The following DNMT1 variants were observed in gnomAD, a reference collection of about 807,000 sequenced individuals.
The protein encoded by DNMT1 is DNA methyltransferase 1.
A neutral mutation model predicts 205.3 loss-of-function variants in DNMT1; 24 were observed. The ratio of observed to expected loss-of-function variants is 0.12; its 90% confidence interval spans 0.08 to 0.16. The LOEUF (loss-of-function observed/expected upper bound fraction) is 0.16, where lower values mean the gene tolerates loss of function less well. Among genes scored for constraint, DNMT1 ranks in the 10% least tolerant of loss-of-function variants. The pLI is 1.00. For missense variants in DNMT1, 1,293 were observed against 2,177.7 expected, an observed-to-expected ratio of 0.59 and a Z score of 8.09; for synonymous variants, 817 against 839.8, an observed-to-expected ratio of 0.97 and a Z score of 0.47.
At chr19:10,145,347 G>A (rs1010100878) in intron 28 of DNMT1, among the ~76,000 whole-genome samples, 11 of 152,290 alleles carry the variant, frequency 7.2e-5, no homozygotes, top group South Asian at 6.2e-4. Flanking sequence ...GGGGTAACGC[G>A]CCCCAACTGT....
rs768106291 is a variant in DNMT1 at position 10,140,770 on chromosome 19, C to CG, written c.3523+10dup. 1.4e-5 allele frequency: 23 copies of CG among 1,613,978 alleles called. No individual in the cohort carries two copies. The highest frequency in any genetic ancestry group is 1.9e-5 in the Non-Finnish European group (23 of 1,179,906). ...ACCAGGTATTCAGAGATGGAGCCTA[C>CG]GGGCGCTCACCTGCTTGGTGGAATC... On this transcript the variant is annotated intron_variant, in intron 32 of 40. Coordinates refer to ENST00000359526, the MANE Select transcript of DNMT1 (RefSeq NM_001130823.3). This position sits in a 1 kb window ranked among gnomAD's most constrained non-coding sequence, Gnocchi z 8.4.
chr19:10,137,026 C>T lies in DNMT1; in HGVS notation c.4489+59G>A. 1.3e-6 allele frequency: 2 copies of T among 1,574,326 alleles called. No homozygotes were observed. Among genetic ancestry groups the T allele is most frequent in the Non-Finnish European group, 1.7e-6 (2 of 1,159,516 alleles). ...GGCCTCCAGGTTCACAGGCCAAAGG[C>T]CCAGGGCTCTGCCTTCCTTCCCCTC... On this transcript the variant is annotated intron_variant, in intron 37 of 40. Transcript: ENST00000359526. This position sits in a 1 kb window ranked among gnomAD's most constrained non-coding sequence, Gnocchi z 6.4.
rs775941265 is a variant in DNMT1 at position 10,154,628 on chromosome 19, A to G, written c.1790T>C (p.Met597Thr). 1 of 1,614,006 alleles carries G rather than the reference A, an allele frequency of 6.2e-7. No individual in the cohort carries two copies. Among genetic ancestry groups the G allele is most frequent in the Non-Finnish European group, 8.5e-7 (1 of 1,179,948 alleles). The part of the protein sequence containing the change: ...DEQPIFLTPC[M>T]RDLIKLAGVT... ...CCCAGCCAGCTTGATCAGGTCCCGCATGCAGGGTGTCAGGAAGATGGGCTG... is the reference window on the plus strand; with the variant it reads ...CCCAGCCAGCTTGATCAGGTCCCGCGTGCAGGGTGTCAGGAAGATGGGCTG... Residue 597 changes from methionine to threonine, a missense_variant, in exon 21 of 41, where the codon ATG becomes ACG. Physicochemically the swap from Met to Thr is moderately conservative, Grantham distance 81 (BLOSUM62 -1). Transcript: ENST00000359526. The surrounding 1 kb of genome is among the most constrained non-coding windows in gnomAD (Gnocchi z 6.3).
intron 9 of DNMT1, among the ~76,000 whole-genome samples, chr19:10,171,583 A>G (rs920079196): frequency 1.3e-5 from 2 of 152,048 alleles, no homozygotes; most frequent in African/African-American, 4.8e-5. Context: ...AGATGGGAGG[A>G]TCACGAGGTC....
intron 10 of DNMT1, among the ~76,000 whole-genome samples, chr19:10,167,371 A>T: frequency 6.6e-6 from 1 of 151,506 alleles, no homozygotes; most frequent in Non-Finnish European, 1.5e-5. Flanking sequence ...AATTTTTTGT[A>T]TTTTTATTAG....
chr19:10,141,903 CA>C (rs1245384752), intron 30 of DNMT1, 124 bp downstream of exon 30: 11 of 1,197,010 alleles, frequency 9.2e-6, no homozygotes, highest in Non-Finnish European at 1.3e-5. Flanking sequence ...TCACGTCAGC[CA>C]ACCACCCACT....
chr19:10,191,841 A>AT (rs1555697159), intron 1 of DNMT1, among the ~76,000 whole-genome samples: 1,670 of 147,760 alleles, frequency 0.011, 29 homozygotes, highest in African/African-American at 0.038. Context: ...AAAAAAAAAA[A>AT]TTTTTTTTTT....
Position 10,149,948 on chromosome 19 carries a change from G to A in DNMT1, c.2286C>T (p.Tyr762=), listed in dbSNP as rs201088848. The A allele has an allele frequency of 5.0e-5, 80 of 1,614,024 alleles. No individual in the cohort carries two copies. Among genetic ancestry groups the A allele is most frequent in the Non-Finnish European group, 6.1e-5 (72 of 1,180,032 alleles). Residue 762 remains tyrosine, a synonymous_variant, in exon 25 of 41, where the codon TAC becomes TAT. Coordinates refer to ENST00000359526, the MANE Select transcript of DNMT1 (RefSeq NM_001130823.3). The part of the protein sequence containing the change: ...EAVKTDGKKS[Y]YKKVCIDAET... ...CCGCATCAATGCACACCTTCTTATA[G>A]TAACTCTTCTTCCCATCAGTCTGAA...
chr19:10,173,127 C>T lies in DNMT1; in HGVS notation c.731G>A (p.Gly244Glu), dbSNP rs150999369. The change falls in exon 9 of 41, where the codon GGA (glycine) becomes GAA (glutamate). Residue 244 changes from glycine (G) to glutamate (E), a missense_variant. This residue lies in a region of DNMT1 where 394 missense variants were observed against 451.6 expected (regional missense o/e 0.87). Coordinates refer to ENST00000359526, the MANE Select transcript of DNMT1 (RefSeq NM_001130823.3). ...PAEEPERAKS[G>E]TRTEKEEERD... ...TTCTTCTTCCTTTTCAGTGCGCGTT[C>T]CTGATTTTGCTCTTTCAGGTTCTTC... 860 of 1,613,992 alleles carry T rather than the reference C, an allele frequency of 5.3e-4. 6 individuals carry two copies. The highest frequency in any genetic ancestry group is 1.5e-3 in the Admixed American group (88 of 59,964).
Position 10,149,476 on chromosome 19 carries a change from G to A in DNMT1, c.2563C>T (p.Pro855Ser). The change falls in exon 26 of 41, where the codon CCC (proline) becomes TCC (serine). Residue 855 changes from proline to serine, a missense_variant. By Grantham distance (74) the Pro-to-Ser change is moderately conservative. Coordinates refer to ENST00000359526, the MANE Select transcript of DNMT1 (RefSeq NM_001130823.3). The part of the protein sequence containing the change: ...HSKVKVIYKA[P>S]SENWAMEGGM... Reference sequence around the variant, plus strand: ...ACCTCCATGGCCCAGTTTTCGGAGGGGGCTTTGTAGATGACTTTCACTTTG... The same window carrying A: ...ACCTCCATGGCCCAGTTTTCGGAGGAGGCTTTGTAGATGACTTTCACTTTG... 6.2e-7 allele frequency: 1 copy of A among 1,614,118 alleles called. No homozygotes were observed. Among genetic ancestry groups the A allele is most frequent in the Non-Finnish European group, 8.5e-7 (1 of 1,180,014 alleles).
At chr19:10,182,425 A>G (rs1208953097) in intron 1 of DNMT1, among the ~76,000 whole-genome samples, 1 of 68,710 alleles carries the variant, frequency 1.5e-5, no homozygotes, top group Non-Finnish European at 3.0e-5. Flanking sequence ...GTGTATATAT[A>G]TGTGTGTATA....
Position 10,140,704 on chromosome 19 carries a change from G to A in DNMT1, c.3523+77C>T, listed in dbSNP as rs895788273. 2 of 1,610,454 alleles carry A rather than the reference G, an allele frequency of 1.2e-6. No individual in the cohort carries two copies. The highest frequency in any genetic ancestry group is 1.7e-6 in the Non-Finnish European group (2 of 1,177,414). ...TTCTTGAGTCAGGAAGGTGACCGGG[G>A]TTGGAAGTCGTTTCAGGTAGCACCT... On this transcript the variant is annotated intron_variant, in intron 32 of 40. Coordinates refer to ENST00000359526, the MANE Select transcript of DNMT1 (RefSeq NM_001130823.3). The surrounding 1 kb of genome is among the most constrained non-coding windows in gnomAD (Gnocchi z 8.4).
At chr19:10,163,305 A>G (rs1001225740) in intron 12 of DNMT1, 21 bp downstream of exon 12, 2 of 1,613,720 alleles carry the variant, frequency 1.2e-6, no homozygotes, top group Non-Finnish European at 1.7e-6. Context: ...ACACAAAAGC[A>G]CAAGCATTTT....
chr19:10,174,977 C>A (rs1268377467), intron 7 of DNMT1, among the ~76,000 whole-genome samples: 2 of 151,356 alleles, frequency 1.3e-5, no homozygotes, highest in African/African-American at 4.9e-5. Context: ...ATCACTTGAA[C>A]CCGGGAGGCT....
At chr19:10,180,327 T>C (rs765942618) in intron 4 of DNMT1, 23 bp downstream of exon 4, 2 of 1,605,968 alleles carry the variant, frequency 1.2e-6, no homozygotes, top group Non-Finnish European at 1.7e-6. Context: ...CAATTAAAAA[T>C]AAAAGGAATC....
At chr19:10,171,500 G>A (rs983174763) in intron 9 of DNMT1, among the ~76,000 whole-genome samples, 9 of 151,866 alleles carry the variant, frequency 5.9e-5, no homozygotes, top group African/African-American at 1.9e-4. Context: ...GTGAAACCCC[G>A]TCTCTACTAA....
rs777578923 is a variant in DNMT1 at position 10,149,552 on chromosome 19, C to T, written c.2487G>A (p.Glu829=). 1 of 1,614,074 alleles carries T rather than the reference C, an allele frequency of 6.2e-7. No homozygotes were observed. The highest frequency in any genetic ancestry group is 1.1e-5 in the South Asian group (1 of 91,066). The change falls in exon 26 of 41, where the codon GAG becomes GAA. Residue 829 remains glutamate, a synonymous_variant. Coordinates refer to ENST00000359526, the MANE Select transcript of DNMT1 (RefSeq NM_001130823.3). ...CCTCACATTCATCCACCAAGAACAG[C>T]TCCAGAGGGTCCGACGTGGCCCCGA... ...TVLGATSDPL[E]LFLVDECEDM... is the part of the protein sequence containing the mutation.
chr19:10,175,126 C>CAT (rs2038913013), intron 7 of DNMT1, among the ~76,000 whole-genome samples: 3 of 106,236 alleles, frequency 2.8e-5, no homozygotes, highest in Middle Eastern at 9.2e-3. Flanking sequence ...CACACACACA[C>CAT]ACATATATAT....
At position 10,137,181 on chromosome 19, in the gene DNMT1, C is replaced by T. The variant is rs754833277; in HGVS notation, c.4393G>A (p.Gly1465Ser). 11 of 1,609,990 alleles carry T rather than the reference C, an allele frequency of 6.8e-6. No homozygotes were observed. The highest frequency in any genetic ancestry group is 2.2e-5 in the South Asian group (2 of 90,284). Reference sequence around the variant, plus strand: ...TACCGCAGCTTCCTGGCCATGGTGCCGTCTGAGAGCCGCACCTCGATGTTG... The same window carrying T: ...TACCGCAGCTTCCTGGCCATGGTGCTGTCTGAGAGCCGCACCTCGATGTTG... ...LPNIEVRLSD[G>S]TMARKLRYTH... Residue 1465 changes from glycine to serine, a missense_variant, in exon 37 of 41, where the codon GGC becomes AGC. Transcript: ENST00000359526. The surrounding 1 kb of genome is among the most constrained non-coding windows in gnomAD (Gnocchi z 6.4).
Sources: gnomAD v4.1 joint callset for allele counts (sites outside exome capture counted in the v4.1 genomes callset) on GRCh38, gnomAD v4.1.1 for gene constraint, gnomAD v4.1.1 regional missense constraint, Gnocchi (gnomAD v3.1) non-coding constraint, MANE v1.5 for transcripts, NCBI Gene and HGNC (gene_info 2026-07-23, HGNC 2026-07-21) for gene names.